HSDL1: variants seen among roughly 807,000 people sequenced by gnomAD.
The protein encoded by HSDL1 is hydroxysteroid dehydrogenase like 1.
Under a neutral mutation model 31.5 loss-of-function variants are expected in HSDL1, and 29 were observed. That is an observed-to-expected ratio of 0.92 (90% CI 0.69 to 1.26). The LOEUF is 1.26. Ranked by LOEUF, HSDL1 falls within the 50% of genes most tolerant of loss-of-function variation. The pLI, the probability that HSDL1 is intolerant of heterozygous loss-of-function variation, is 0.00. For synonymous variants in HSDL1, 222 were observed against 155.2 expected, an observed-to-expected ratio of 1.43 and a Z score of -3.20; for missense variants, 503 against 416.6, an observed-to-expected ratio of 1.21 and a Z score of -1.81.
intron 5 of HSDL1, among the ~76,000 whole-genome samples, chr16:84,126,011 G>C (rs1027450255): frequency 6.6e-6 from 1 of 150,914 alleles, no homozygotes; most frequent in Non-Finnish European, 1.5e-5. Context: ...GCAGAGGCAG[G>C]AAAATGGTGT....
chr16:84,130,898 T>C (rs2086657684), intron 3 of HSDL1: 3 of 577,518 alleles, frequency 5.2e-6, no homozygotes, highest in Non-Finnish European at 9.2e-6. Flanking sequence ...GAGAGCAGAA[T>C]AGGAAGGATA....
At position 84,130,153 on chromosome 16, in the gene HSDL1, C is replaced by T. The variant is rs1016180601; in HGVS notation, c.499G>A (p.Glu167Lys). 4 of 1,614,198 alleles carry T rather than the reference C, an allele frequency of 2.5e-6. No homozygotes were observed. Among genetic ancestry groups the T allele is most frequent in the Non-Finnish European group, 3.4e-6 (4 of 1,180,040 alleles). Reference protein sequence around the residue: ...PYPQYFTQLSEDKLWDIINVN... With the variant: ...PYPQYFTQLSKDKLWDIINVN... ...TTTATGATGTCCCAGAGCTTGTCCT[C>T]GGACAGCTGAGTGAAATACTGCGGG... The change falls in exon 4 of 6, where the codon GAG becomes AAG. Residue 167 changes from glutamate to lysine, a missense_variant. By Grantham distance (56) the Glu-to-Lys change is moderately conservative. Coordinates refer to ENST00000219439, the MANE Select transcript of HSDL1 (RefSeq NM_031463.5).
chr16:84,128,164 C>G (rs887997884), intron 5 of HSDL1, among the ~76,000 whole-genome samples: 1 of 151,702 alleles, frequency 6.6e-6, no homozygotes, highest in Non-Finnish European at 1.5e-5. Flanking sequence ...TGGCAGGCAC[C>G]TGTAGTCCCA....
intron 1 of HSDL1, among the ~76,000 whole-genome samples, chr16:84,138,087 T>C (rs920504868): frequency 3.3e-5 from 5 of 152,208 alleles, no homozygotes; most frequent in African/African-American, 1.2e-4. Flanking sequence ...CCATTCAGCC[T>C]CCCAAACTGC....
chr16:84,132,680 T>C (rs2086679619), intron 2 of HSDL1, among the ~76,000 whole-genome samples: 1 of 152,146 alleles, frequency 6.6e-6, no homozygotes, highest in African/African-American at 2.4e-5. Flanking sequence ...CATGATGTGG[T>C]AGGTGTGTGC....
At chr16:84,143,393 G>GA (rs2086788498) in intron 1 of HSDL1, among the ~76,000 whole-genome samples, 1 of 152,152 alleles carries the variant, frequency 6.6e-6, no homozygotes, top group Non-Finnish European at 1.5e-5. Context: ...GAAATGTCCA[G>GA]CATAAGCAAA....
At chr16:84,141,920 G>T (rs1292114524) in intron 1 of HSDL1, among the ~76,000 whole-genome samples, 1 of 151,984 alleles carries the variant, frequency 6.6e-6, no homozygotes, top group Non-Finnish European at 1.5e-5. Flanking sequence ...TGTCTTTCAT[G>T]AACTAAATGT....
intron 2 of HSDL1, among the ~76,000 whole-genome samples, chr16:84,133,861 T>C (rs537712039): frequency 6.6e-6 from 1 of 152,312 alleles, no homozygotes; most frequent in East Asian, 1.9e-4. Context: ...AAGTTCATCA[T>C]GAAAAGGAAA....
Position 84,124,794 on chromosome 16 carries a change from A to G in HSDL1, c.895-66T>C, listed in dbSNP as rs978520387. On this transcript the variant is annotated intron_variant, in intron 5 of 5. Transcript: ENST00000219439. ...AAATCAACACTGAAGGAACAAGTAC[A>G]CAGACCAGCACATGAAACCCACCAA... The G allele has an allele frequency of 8.0e-5, 81 of 1,017,356 alleles. No homozygotes were observed. The Admixed American group carries it at 1.5e-3, about 19-fold the overall frequency. The allele number at this position is 1,017,356 out of a possible 1,614,324, so 63.0% of individuals were successfully genotyped here. A position where few individuals can be genotyped will look rare whatever the true frequency, so the allele number is the denominator to read the frequency against.
intron 5 of HSDL1, among the ~76,000 whole-genome samples, chr16:84,125,964 G>A (rs572034988): frequency 1.4e-3 from 209 of 152,196 alleles, no homozygotes; most frequent in African/African-American, 4.9e-3. Flanking sequence ...TTAGCCAGGC[G>A]TGGTGGCGGG....
intron 1 of HSDL1, among the ~76,000 whole-genome samples, chr16:84,144,753 G>T (rs2086824126): frequency 6.7e-6 from 1 of 149,888 alleles, no homozygotes; most frequent in African/African-American, 2.5e-5. Context: ...AGGCCCGGGG[G>T]AAGAGAGAGA....
Position 84,130,107 on chromosome 16 carries a change from C to G in HSDL1, c.545G>C (p.Ser182Thr), listed in dbSNP as rs1261263531. ...CGGTAACACAACATGGACCATCAAA[C>G]TAGCGGCGGCAATGTTCACATTTAT... ...DIINVNIAAA[S>T]LMVHVVLPGM... Residue 182 changes from serine to threonine, a missense_variant, in exon 4 of 6, where the codon AGT becomes ACT. Transcript: ENST00000219439. The G allele has an allele frequency of 1.2e-6, 2 of 1,614,170 alleles. No homozygotes were observed. Among genetic ancestry groups the G allele is most frequent in the Admixed American group, 3.3e-5 (2 of 60,010 alleles).
intron 4 of HSDL1, 51 bp from the exon 5 acceptor site, chr16:84,129,826 A>C (rs2086644824): frequency 6.6e-7 from 1 of 1,510,898 alleles, no homozygotes; most frequent in African/African-American, 1.4e-5. Context: ...TGAACTTGAA[A>C]ATTCAGGAGA....
rs924147329 is a variant in HSDL1 at position 84,131,233 on chromosome 16, G to A, written c.89C>T (p.Ala30Val). The change falls in exon 3 of 6, where the codon GCC (alanine) becomes GTC (valine). Residue 30 changes from alanine (A) to valine (V), a missense_variant. Coordinates refer to ENST00000219439, the MANE Select transcript of HSDL1 (RefSeq NM_031463.5). Reference protein sequence around the residue: ...CYMEALALVGAWYTARKSITV... With the variant: ...CYMEALALVGVWYTARKSITV... ...GATGCTTTTTCTGGCCGTATACCAG[G>A]CTCCAACCAAAGCTAGAGCTTCCAT... 1 of 1,614,096 alleles carries A rather than the reference G, an allele frequency of 6.2e-7. No individual in the cohort carries two copies. The highest frequency in any genetic ancestry group is 8.5e-7 in the Non-Finnish European group (1 of 1,179,986).
chr16:84,133,509 G>A (rs1343466044), intron 2 of HSDL1, among the ~76,000 whole-genome samples: 1 of 152,220 alleles, frequency 6.6e-6, no homozygotes, highest in Non-Finnish European at 1.5e-5. Flanking sequence ...GGGAGGCCAA[G>A]GCAGGTGGTC....
At position 84,131,112 on chromosome 16, in the gene HSDL1, G is replaced by A. The variant is rs766503691; in HGVS notation, c.210C>T (p.Ala70=). The A allele has an allele frequency of 3.0e-5, 49 of 1,607,220 alleles. No homozygotes were observed. Among genetic ancestry groups the A allele is most frequent in the Admixed American group, 5.0e-5 (3 of 59,800 alleles). ...ADLIKQYGRW[A]VVSGATDGIG... ...TATAAAGTAGGTTACCGCTGACAAC[G>A]GCCCATCTTCCATACTGCTTGATCA... is the stretch of plus-strand genomic sequence containing the variant. Residue 70 remains alanine, a synonymous_variant, in exon 3 of 6, where the codon GCC becomes GCT. Transcript: ENST00000219439.
chr16:84,142,550 C>T (rs2086778148), intron 1 of HSDL1, among the ~76,000 whole-genome samples: 1 of 151,480 alleles, frequency 6.6e-6, no homozygotes. Flanking sequence ...ATTCTTCTGC[C>T]TCAGCCTCCC....
chr16:84,131,282 T>C lies in HSDL1; in HGVS notation c.40A>G (p.Ile14Val). 1 of 1,614,166 alleles carries C rather than the reference T, an allele frequency of 6.2e-7. No individual in the cohort carries two copies. Among genetic ancestry groups the C allele is most frequent in the Non-Finnish European group, 8.5e-7 (1 of 1,180,026 alleles). The change falls in exon 3 of 6, where the codon ATC becomes GTC. Residue 14 changes from isoleucine (I) to valine (V), a missense_variant. Transcript: ENST00000219439. ...VDSFYLLYRE[I>V]ARSCNCYMEA... ...ATATAGCAATTGCAAGACCTGGCGA[T>C]TTCCCTGTACAAGAGGTAGAAACTG...
chr16:84,138,098 G>A (rs975765330), intron 1 of HSDL1, among the ~76,000 whole-genome samples: 3 of 152,226 alleles, frequency 2.0e-5, no homozygotes, highest in African/African-American at 7.2e-5. Flanking sequence ...CCCAAACTGC[G>A]AAAAGTAAGT....
Sources: gnomAD v4.1 joint callset for allele counts (sites outside exome capture counted in the v4.1 genomes callset) on GRCh38, gnomAD v4.1.1 for gene constraint, MANE v1.5 for transcripts, NCBI Gene and HGNC (gene_info 2026-07-23, HGNC 2026-07-21) for gene names.